The following RELN variants were observed in gnomAD, a reference collection of about 807,000 sequenced individuals.
RELN encodes reelin.
RELN carries 108 observed loss-of-function variants against 427.6 expected under a neutral mutation model. That is an observed-to-expected ratio of 0.25 (90% CI 0.22 to 0.30). RELN has a LOEUF of 0.30. Ranked by LOEUF, RELN falls within the 10% of genes least tolerant of loss-of-function variation. RELN has a pLI of 1.00. For synonymous variants in RELN, 1,524 were observed against 1,513.4 expected (o/e 1.01, Z -0.16); for missense variants, 3,715 against 4,302.8 (o/e 0.86, Z 3.82).
chr7:103,858,559 G>A (rs1174140791), intron 2 of RELN, among the ~76,000 whole-genome samples: 1 of 152,042 alleles, frequency 6.6e-6, no homozygotes, highest in Non-Finnish European at 1.5e-5. Context: ...CTTTTGTTTT[G>A]CAGTTGGAAG....
intron 46 of RELN, among the ~76,000 whole-genome samples, chr7:103,530,553 A>G (rs1829916149): frequency 6.6e-6 from 1 of 152,160 alleles, no homozygotes; most frequent in Non-Finnish European, 1.5e-5. Flanking sequence ...TACAAATCTA[A>G]ACTCCTTTGC....
At chr7:103,753,316 G>T in intron 4 of RELN, 102 bp from the exon 5 acceptor site, 4 of 1,214,748 alleles carry the variant, frequency 3.3e-6, no homozygotes, top group African/African-American at 1.5e-5. Context: ...GTCACATTAA[G>T]CAAATCAAAT....
At chr7:103,914,810 T>G (rs191599342) in intron 2 of RELN, among the ~76,000 whole-genome samples, 1 of 152,260 alleles carries the variant, frequency 6.6e-6, no homozygotes, top group East Asian at 1.9e-4. Context: ...TTGTTGCCGA[T>G]GCCCGCCTGT....
chr7:103,730,232 C>A (rs917566706), intron 6 of RELN, among the ~76,000 whole-genome samples: 1 of 152,074 alleles, frequency 6.6e-6, no homozygotes, highest in African/African-American at 2.4e-5. Context: ...GTTTGAACTT[C>A]TACAGCAATC....
At chr7:103,486,155 G>T in intron 61 of RELN, 42 bp downstream of exon 61, 2 of 1,568,244 alleles carry the variant, frequency 1.3e-6, no homozygotes, top group Non-Finnish European at 8.8e-7. Flanking sequence ...CTGGGCTTGT[G>T]ACTAATTCTA....
chr7:103,572,963 C>T (rs558562744), intron 30 of RELN, among the ~76,000 whole-genome samples: 60 of 150,618 alleles, frequency 4.0e-4, no homozygotes, highest in African/African-American at 1.4e-3. Flanking sequence ...CTGTCATCTA[C>T]GTTAGGCATT....
intron 17 of RELN, among the ~76,000 whole-genome samples, chr7:103,639,076 T>G (rs1832643519): frequency 6.6e-6 from 1 of 152,206 alleles, no homozygotes; most frequent in Admixed American, 6.5e-5. Flanking sequence ...TGAAATACAC[T>G]AAGAAGATGG....
chr7:103,965,172 G>T (rs1316389317), intron 1 of RELN, among the ~76,000 whole-genome samples: 1 of 152,164 alleles, frequency 6.6e-6, no homozygotes, highest in East Asian at 1.9e-4. Flanking sequence ...TTAAGGCCAA[G>T]ATTTTTCAAA....
intron 2 of RELN, among the ~76,000 whole-genome samples, chr7:103,879,548 G>A (rs564422868): frequency 4.6e-5 from 7 of 152,172 alleles, no homozygotes; most frequent in Non-Finnish European, 7.4e-5. Context: ...ATTCAGAGGA[G>A]AGAATGACCT....
At chr7:103,654,367 G>A (rs1481833668) in intron 12 of RELN, among the ~76,000 whole-genome samples, 162 bp from the exon 13 acceptor site, 1 of 151,986 alleles carries the variant, frequency 6.6e-6, no homozygotes, top group Non-Finnish European at 1.5e-5. Flanking sequence ...AATTTATAAC[G>A]ATAGTTCAAG....
intron 24 of RELN, among the ~76,000 whole-genome samples, chr7:103,602,591 A>G (rs2117268543): frequency 6.6e-6 from 1 of 152,324 alleles, no homozygotes; most frequent in Admixed American, 6.5e-5. Flanking sequence ...ACAGAAAACC[A>G]GACACCACAT....
chr7:103,771,278 CTGTT>C (rs1791563294), intron 4 of RELN, among the ~76,000 whole-genome samples: 2 of 151,944 alleles, frequency 1.3e-5, no homozygotes, highest in South Asian at 4.2e-4. Context: ...ACCATCCTCT[CTGTT>C]TGTCCTTGTT....
chr7:103,557,189 A>G (rs1337866996), intron 37 of RELN, 30 bp from the exon 38 acceptor site: 1 of 1,546,632 alleles, frequency 6.5e-7, no homozygotes, highest in Admixed American at 1.7e-5. Context: ...GGTATAAAAC[A>G]TACTGTGATA....
chr7:103,521,081 A>G (rs993560250), intron 48 of RELN, among the ~76,000 whole-genome samples: 5 of 139,802 alleles, frequency 3.6e-5, no homozygotes, highest in Non-Finnish European at 7.5e-5. Context: ...GGTTCACGCC[A>G]TTCTCCTGCC....
chr7:103,770,336 G>C (rs1791533636), intron 4 of RELN, among the ~76,000 whole-genome samples: 2 of 152,118 alleles, frequency 1.3e-5, no homozygotes, highest in Non-Finnish European at 1.5e-5. Flanking sequence ...CACCCGTCTT[G>C]GCCTCCCAAA....
At chr7:103,658,460 C>T (rs911634349) in intron 12 of RELN, among the ~76,000 whole-genome samples, 5 of 152,034 alleles carry the variant, frequency 3.3e-5, no homozygotes, top group African/African-American at 1.2e-4. Context: ...TCTATAGGTC[C>T]AGTCCTATCC....
chr7:103,766,819 G>A (rs1791435234), intron 4 of RELN, among the ~76,000 whole-genome samples: 1 of 152,186 alleles, frequency 6.6e-6, no homozygotes, highest in Non-Finnish European at 1.5e-5. Flanking sequence ...GCTGAGCCTG[G>A]CAGAAAGCAG....
rs1010173001 is a variant in RELN at position 103,563,680 on chromosome 7, T to C, written c.5210+1598A>G. On this transcript the variant is annotated intron_variant, in intron 34 of 64. Transcript: ENST00000428762. The surrounding 1 kb of genome is among the most constrained non-coding windows in gnomAD (Gnocchi z 4.1). ...CTAGGCCTTCACATTCACTCACCACTCACTCACCCACTCACCCAGAGCAAC... is the reference window on the plus strand; with the variant it reads ...CTAGGCCTTCACATTCACTCACCACCCACTCACCCACTCACCCAGAGCAAC... 6.6e-6 allele frequency among the ~76,000 whole-genome samples: 1 copy of C among 150,852 alleles called. No homozygotes were observed. The highest frequency in any genetic ancestry group is 2.4e-5 in the African/African-American group (1 of 41,354).
chr7:103,871,953 A>C (rs9791440), intron 2 of RELN, among the ~76,000 whole-genome samples: 21,593 of 151,134 alleles, frequency 0.14, 1,866 homozygotes, highest in East Asian at 0.34. Flanking sequence ...TAAACCAATG[A>C]GATATAATGC....
Sources: allele counts gnomAD v4.1 joint callset (sites outside exome capture counted in the v4.1 genomes callset), GRCh38; gene constraint gnomAD v4.1.1; non-coding constraint Gnocchi (gnomAD v3.1); transcripts MANE v1.5; gene names NCBI Gene and HGNC (gene_info 2026-07-23, HGNC 2026-07-21).